The following SPRYD7 variants were observed in gnomAD, a reference collection of about 807,000 sequenced individuals.
SPRYD7 encodes SPRY domain-containing protein 7.
Under a neutral mutation model 23.8 loss-of-function variants are expected in SPRYD7, and 14 were observed. That is an observed-to-expected ratio of 0.59 (90% CI 0.39 to 0.92). The LOEUF is 0.92. Ranked by LOEUF, SPRYD7 falls within the 40% of genes least tolerant of loss-of-function variation. The pLI, the probability that SPRYD7 is intolerant of heterozygous loss-of-function variation, is 0.00. For synonymous variants in SPRYD7, 75 were observed against 84.9 expected, an observed-to-expected ratio of 0.88 and a Z score of 0.64; for missense variants, 194 against 241.7, an observed-to-expected ratio of 0.80 and a Z score of 1.31.
chr13:49,921,525 T>A lies in SPRYD7; in HGVS notation c.446A>T (p.His149Leu), dbSNP rs758150615. The change falls in exon 4 of 5, where the codon CAT becomes CTT. Residue 149 changes from histidine to leucine, a missense_variant. Coordinates refer to ENST00000361840, the MANE Select transcript of SPRYD7 (RefSeq NM_020456.4). The stretch of plus-strand genomic sequence containing the variant: ...CCCTCGTATACCTGATGCTGGACAA[T>A]GCATGTTTTTTCCATTCAAGTATAC... ...LNVYLNGKNMHCPASGIRGTV... is the reference protein window; with the variant it reads ...LNVYLNGKNMLCPASGIRGTV... The A allele has an allele frequency of 6.8e-6, 11 of 1,613,754 alleles. No individual in the cohort carries two copies. The Admixed American group carries it at 1.7e-4, about 24-fold the overall frequency.
At chr13:49,934,322 C>T (rs1871513574) in intron 1 of SPRYD7, among the ~76,000 whole-genome samples, 1 of 151,980 alleles carries the variant, frequency 6.6e-6, no homozygotes, top group African/African-American at 2.4e-5. Context: ...CTTTGGGAGG[C>T]TGAGAGGCAG....
intron 4 of SPRYD7, among the ~76,000 whole-genome samples, chr13:49,916,851 G>C (rs1955757568): frequency 6.6e-6 from 1 of 152,164 alleles, no homozygotes; most frequent in South Asian, 2.1e-4. Flanking sequence ...ACTACAGATA[G>C]AGTGTTTGCA....
chr13:49,931,014 CA>C lies in SPRYD7; in HGVS notation c.223+3del. The C allele has an allele frequency of 6.3e-7, 1 of 1,588,160 alleles. No individual in the cohort carries two copies. Among genetic ancestry groups the C allele is most frequent in the Non-Finnish European group, 8.6e-7 (1 of 1,160,418 alleles). The stretch of plus-strand genomic sequence containing the variant: ...TTTTAATAGTAAAGTACCATTATAC[CA>C]ACCTGTGGACTGGATTTTGAATTCA... On this transcript the variant is annotated splice_donor_region_variant and intron_variant, in intron 2 of 4. Coordinates refer to ENST00000361840, the MANE Select transcript of SPRYD7 (RefSeq NM_020456.4).
intron 1 of SPRYD7, among the ~76,000 whole-genome samples, chr13:49,931,877 G>A (rs1400737158): frequency 6.6e-6 from 1 of 152,214 alleles, no homozygotes; most frequent in Non-Finnish European, 1.5e-5. Context: ...GAGCCTGGGA[G>A]GCAGAGGTTG....
At position 49,931,086 on chromosome 13, in the gene SPRYD7, C is replaced by T; in HGVS notation, c.155G>A (p.Gly52Glu). ...VKNGRRICGT[G>E]GCLASAPLHQ... Reference sequence around the variant, plus strand: ...TAAAGGTGCGCTGGCTAAACAACCTCCTGTTCCACATATTCTTCTTCCATT... The same window carrying T: ...TAAAGGTGCGCTGGCTAAACAACCTTCTGTTCCACATATTCTTCTTCCATT... The change falls in exon 2 of 5, where the codon GGA becomes GAA. Residue 52 changes from glycine to glutamate, a missense_variant. Coordinates refer to ENST00000361840, the MANE Select transcript of SPRYD7 (RefSeq NM_020456.4). 1 of 1,613,648 alleles carries T rather than the reference C, an allele frequency of 6.2e-7. No homozygotes were observed. The highest frequency in any genetic ancestry group is 8.5e-7 in the Non-Finnish European group (1 of 1,179,744).
chr13:49,921,695 G>A (rs997601221), intron 3 of SPRYD7, 115 bp from the exon 4 acceptor site: 1 of 640,838 alleles, frequency 1.6e-6, no homozygotes, highest in African/African-American at 1.8e-5. Flanking sequence ...TTCATTAAGG[G>A]TTGACAATTT....
At chr13:49,916,214 GCTGTGGTGCGGGCTGCAT>G (rs2138209471) in intron 4 of SPRYD7, among the ~76,000 whole-genome samples, 1 of 152,306 alleles carries the variant, frequency 6.6e-6, no homozygotes, top group African/African-American at 2.4e-5. Context: ...GAGGAATGCA[GCTGTGGTGCGGGCTGCAT>G]CTGGGCCAAG....
intron 4 of SPRYD7, among the ~76,000 whole-genome samples, chr13:49,921,109 C>T (rs910337149): frequency 3.3e-5 from 5 of 152,196 alleles, no homozygotes; most frequent in African/African-American, 1.2e-4. Context: ...TCCCATTATC[C>T]CCATGTGTTG....
chr13:49,930,916 G>A lies in SPRYD7; in HGVS notation c.223+102C>T, dbSNP rs1025239354. The A allele has an allele frequency of 2.3e-5, 15 of 657,166 alleles. No homozygotes were observed. In the South Asian group the frequency reaches 2.8e-4, roughly 12 times the overall value. The allele number at this position is 657,166 out of a possible 1,614,324, so 40.7% of individuals were successfully genotyped here. A position where few individuals can be genotyped will look rare whatever the true frequency, so the allele number is the denominator to read the frequency against. ...GAAGACCCAGATCTTCTAAGAGTTT[G>A]GTGCTTTTATATTACCTTCTGAATC... On this transcript the variant is annotated intron_variant, in intron 2 of 4. Transcript: ENST00000361840.
chr13:49,923,275 G>A (rs1017453393), intron 3 of SPRYD7, among the ~76,000 whole-genome samples: 12 of 151,714 alleles, frequency 7.9e-5, no homozygotes, highest in East Asian at 1.9e-4. Flanking sequence ...ACAGAGTCTC[G>A]TTCTGTCACC....
rs1231479010 is a variant in SPRYD7, at chr13:49,913,419, C to CA, written c.*1643dup. 82 of 79,978 alleles carry CA rather than the reference C, an allele frequency of 1.0e-3. No individual in the cohort carries two copies. Among genetic ancestry groups the CA allele is most frequent in the East Asian group, 3.2e-3 (8 of 2,510 alleles). 5.0% of individuals were successfully genotyped at this position (79,978 alleles called of 1,614,324 possible). On this transcript the variant is annotated 3_prime_UTR_variant, in exon 5 of 5. Coordinates refer to ENST00000361840, the MANE Select transcript of SPRYD7 (RefSeq NM_020456.4). ...TGGGTGACAAGGTGAGACTCTGTCT[C>CA]AAAAAAAAAACGAGAAAAAAAAAAA...
chr13:49,932,200 G>A (rs1871413754), intron 1 of SPRYD7, among the ~76,000 whole-genome samples: 1 of 152,118 alleles, frequency 6.6e-6, no homozygotes, highest in Admixed American at 6.6e-5. Context: ...TACTATACTT[G>A]TGCATTAGTC....
chr13:49,936,056 G>A (rs991737848), intron 1 of SPRYD7, 74 bp downstream of exon 1: 64 of 1,014,190 alleles, frequency 6.3e-5, no homozygotes, highest in Non-Finnish European at 8.7e-5. Context: ...GGGACCCTCT[G>A]ACCCTGAAGG....
chr13:49,929,359 A>T (rs1481557968), intron 2 of SPRYD7, among the ~76,000 whole-genome samples: 1 of 152,164 alleles, frequency 6.6e-6, no homozygotes, highest in East Asian at 1.9e-4. Flanking sequence ...CCTAGGGGGA[A>T]ATTTTATATC....
At chr13:49,920,012 G>A (rs1246039164) in intron 4 of SPRYD7, among the ~76,000 whole-genome samples, 1 of 151,926 alleles carries the variant, frequency 6.6e-6, no homozygotes, top group Admixed American at 6.6e-5. Flanking sequence ...GGGTATATGA[G>A]GGTTTATTAT....
At chr13:49,919,925 A>G (rs1955799361) in intron 4 of SPRYD7, among the ~76,000 whole-genome samples, 1 of 150,746 alleles carries the variant, frequency 6.6e-6, no homozygotes, top group African/African-American at 2.4e-5. Flanking sequence ...GTGAAGAACA[A>G]TAGCAGCATT....
chr13:49,921,353 A>T (rs1955817732), intron 4 of SPRYD7, 125 bp downstream of exon 4: 2 of 626,300 alleles, frequency 3.2e-6, no homozygotes, highest in Admixed American at 4.8e-5. Flanking sequence ...GAGTCAATTA[A>T]ACCTCTTTCC....
intron 1 of SPRYD7, among the ~76,000 whole-genome samples, chr13:49,933,594 T>G: frequency 7.4e-6 from 1 of 134,982 alleles, no homozygotes; most frequent in Non-Finnish European, 1.6e-5. Flanking sequence ...AGAGCGAGAT[T>G]CCCTCTCAAA....
At chr13:49,921,855 A>G (rs1955824984) in intron 3 of SPRYD7, among the ~76,000 whole-genome samples, 1 of 152,224 alleles carries the variant, frequency 6.6e-6, no homozygotes, top group African/African-American at 2.4e-5. Context: ...TGGATTTTAT[A>G]TTTTGAATGC....
Sources: gnomAD v4.1 joint callset for allele counts (sites outside exome capture counted in the v4.1 genomes callset) on GRCh38, gnomAD v4.1.1 for gene constraint, MANE v1.5 for transcripts, NCBI Gene and HGNC (gene_info 2026-07-23, HGNC 2026-07-21) for gene names.